The following FSIP1 variants were observed in gnomAD, a reference collection of about 807,000 sequenced individuals.
FSIP1 encodes the protein fibrous sheath interacting protein 1.
In FSIP1, 65 loss-of-function variants were observed where a neutral mutation model predicts 60.9. That is an observed-to-expected ratio of 1.07 (90% CI 0.87 to 1.31). The LOEUF (loss-of-function observed/expected upper bound fraction) is 1.31, where lower values mean the gene tolerates loss of function less well. Ranked by LOEUF, FSIP1 falls within the 40% of genes most tolerant of loss-of-function variation. The pLI, the probability that FSIP1 is intolerant of heterozygous loss-of-function variation, is 0.00. For missense variants in FSIP1, 675 were observed against 665.5 expected, an observed-to-expected ratio of 1.01 and a Z score of -0.16; for synonymous variants, 209 against 221.2, an observed-to-expected ratio of 0.94 and a Z score of 0.49.
At chr15:39,713,321 CT>C in intron 10 of FSIP1, 122 bp downstream of exon 10, 1 of 777,228 alleles carries the variant, frequency 1.3e-6, no homozygotes, top group Non-Finnish European at 2.0e-6. Flanking sequence ...AATCCTAGCA[CT>C]TTGGCAGGCT....
Position 39,780,320 on chromosome 15 carries a change from C to G in FSIP1, c.-8+2308G>C, listed in dbSNP as rs1359464300. Among the ~76,000 whole-genome samples, 8 of 152,216 alleles carry G rather than the reference C, an allele frequency of 5.3e-5. No homozygotes were observed. The East Asian group carries it at 1.5e-3, about 29-fold the overall frequency. On this transcript the variant is annotated intron_variant, in intron 1 of 11. Transcript: ENST00000350221. ...GGGCAGATCACGAGGTCAGGAGGATCAAGAACACCCTGGCTAACACGGTGA... is the reference window on the plus strand; with the variant it reads ...GGGCAGATCACGAGGTCAGGAGGATGAAGAACACCCTGGCTAACACGGTGA...
At chr15:39,664,058 C>T (rs1309052122) in intron 10 of FSIP1, among the ~76,000 whole-genome samples, 2 of 151,594 alleles carry the variant, frequency 1.3e-5, no homozygotes, top group Non-Finnish European at 3.0e-5. Context: ...GCAGCATAAC[C>T]AGCCAGGGTG....
intron 8 of FSIP1, among the ~76,000 whole-genome samples, chr15:39,728,260 AT>A (rs1354577875): frequency 3.9e-5 from 6 of 152,342 alleles, no homozygotes; most frequent in African/African-American, 1.4e-4. Context: ...TACCAATGAC[AT>A]TTTTAACAAA....
In FSIP1 at chr15:39,675,695, T is replaced by C. The variant is rs186716190; in HGVS notation, c.1188+37749A>G. 3.8e-3 allele frequency among the ~76,000 whole-genome samples: 576 copies of C among 152,304 alleles called. 4 individuals carry two copies. Among genetic ancestry groups the C allele is most frequent in the African/African-American group, 0.013 (551 of 41,566 alleles). ...AACGTAACAATCAAACTGAAATCCC[T>C]ACCTCAATAAAAACTGATCTTAAAA... On this transcript the variant is annotated intron_variant, in intron 10 of 11. Transcript: ENST00000350221.
At chr15:39,663,996 G>A (rs1414930024) in intron 10 of FSIP1, among the ~76,000 whole-genome samples, 1 of 152,092 alleles carries the variant, frequency 6.6e-6, no homozygotes, top group Non-Finnish European at 1.5e-5. Context: ...TTTTTGAATT[G>A]AAAACATTAA....
chr15:39,626,892 C>T (rs1891662023), intron 10 of FSIP1, among the ~76,000 whole-genome samples: 3 of 152,182 alleles, frequency 2.0e-5, no homozygotes, highest in Non-Finnish European at 2.9e-5. Context: ...GCCCTTAATA[C>T]TTGATCAGTG....
chr15:39,718,937 T>C (rs1595657821), intron 9 of FSIP1, among the ~76,000 whole-genome samples: 1 of 152,254 alleles, frequency 6.6e-6, no homozygotes, highest in South Asian at 2.1e-4. Context: ...TCACCTCCTC[T>C]TTCTGGGTCT....
chr15:39,722,267 T>C (rs979235434), intron 9 of FSIP1, among the ~76,000 whole-genome samples: 4 of 152,068 alleles, frequency 2.6e-5, no homozygotes, highest in South Asian at 2.1e-4. Context: ...AACCATCTAG[T>C]TGCAGGAAAA....
intron 1 of FSIP1, among the ~76,000 whole-genome samples, chr15:39,777,438 T>G (rs1421548881): frequency 6.6e-6 from 1 of 152,232 alleles, no homozygotes; most frequent in African/African-American, 2.4e-5. Context: ...GGACAGATTT[T>G]CATTATCTGG....
intron 10 of FSIP1, among the ~76,000 whole-genome samples, chr15:39,626,207 T>C (rs1004740): frequency 0.12 from 18,806 of 152,160 alleles, 1,386 homozygotes; most frequent in East Asian, 0.21. Context: ...TCTAGAACTT[T>C]AAATACTTTG....
intron 10 of FSIP1, among the ~76,000 whole-genome samples, chr15:39,683,770 T>G (rs149820393): frequency 1.3e-5 from 2 of 152,212 alleles, no homozygotes; most frequent in Non-Finnish European, 2.9e-5. Flanking sequence ...CATTTTTCTA[T>G]ATATACACTT....
chr15:39,634,209 T>A (rs938517290), intron 10 of FSIP1, among the ~76,000 whole-genome samples: 12 of 152,196 alleles, frequency 7.9e-5, no homozygotes, highest in Admixed American at 5.2e-4. Context: ...AAAGCTGCTA[T>A]TCTCCAATAT....
chr15:39,704,054 G>A (rs190196964), intron 10 of FSIP1, among the ~76,000 whole-genome samples: 57 of 152,270 alleles, frequency 3.7e-4, no homozygotes, highest in African/African-American at 1.4e-3. Context: ...AAATGGGCCT[G>A]TGATTAAGAG....
At chr15:39,646,520 CAAAAAAAAAAAAAAAAA>C (rs71132108) in intron 10 of FSIP1, among the ~76,000 whole-genome samples, 4 of 27,088 alleles carry the variant, frequency 1.5e-4, no homozygotes, top group Non-Finnish European at 3.1e-4. Context: ...CTCATCTCTA[CAAAAAAAAAAAAAAAAA>C]AAAAAAAAAA....
chr15:39,707,430 C>G (rs1027544445), intron 10 of FSIP1, among the ~76,000 whole-genome samples: 1 of 152,018 alleles, frequency 6.6e-6, no homozygotes, highest in African/African-American at 2.4e-5. Flanking sequence ...CCTCACCCAC[C>G]TTCTCTTCAT....
intron 10 of FSIP1, among the ~76,000 whole-genome samples, chr15:39,674,156 G>A (rs1219777411): frequency 1.3e-5 from 2 of 151,608 alleles, no homozygotes; most frequent in East Asian, 1.9e-4. Context: ...CCGGGTTCAT[G>A]CCATTCTCCT....
intron 10 of FSIP1, among the ~76,000 whole-genome samples, chr15:39,710,725 C>T (rs1181126457): frequency 6.6e-6 from 1 of 152,230 alleles, no homozygotes; most frequent in Non-Finnish European, 1.5e-5. Context: ...ACCTCCTCCA[C>T]TTACTAGCTG....
chr15:39,769,081 C>T (rs1897790002), intron 3 of FSIP1, among the ~76,000 whole-genome samples: 1 of 152,078 alleles, frequency 6.6e-6, no homozygotes, highest in Admixed American at 6.5e-5. Context: ...AGATCGAGAC[C>T]ATCCTGGCTA....
At chr15:39,706,711 A>G (rs377316674) in intron 10 of FSIP1, among the ~76,000 whole-genome samples, 1 of 152,318 alleles carries the variant, frequency 6.6e-6, no homozygotes, top group African/African-American at 2.4e-5. Flanking sequence ...TGTGTTACAA[A>G]AAGTTAATTT....
Sources: gnomAD v4.1 joint callset for allele counts (sites outside exome capture counted in the v4.1 genomes callset) on GRCh38, gnomAD v4.1.1 for gene constraint, MANE v1.5 for transcripts, NCBI Gene and HGNC (gene_info 2026-07-23, HGNC 2026-07-21) for gene names.